The following SMARCA2 variants were observed in gnomAD, a reference collection of about 807,000 sequenced individuals.
SMARCA2 encodes the protein SWI/SNF related BAF chromatin remodeling complex subunit ATPase 2, also known as SWI/SNF-related matrix-associated actin-dependent regulator of chromatin subfamily A member 2.
SMARCA2 carries 61 observed loss-of-function variants against 199.8 expected under a neutral mutation model. The observed-to-expected ratio is 0.31, with a 90% CI of 0.25 to 0.38. SMARCA2 has a LOEUF of 0.38. Among genes scored for constraint, SMARCA2 ranks in the 10% least tolerant of loss-of-function variants. SMARCA2 has a pLI of 1.00. For missense variants in SMARCA2, 1,344 were observed against 2,012.2 expected (o/e 0.67, Z 6.35); for synonymous variants, 935 against 732.0 (o/e 1.28, Z -4.48).
At chr9:2,060,296 A>T (rs1820532037) in intron 8 of SMARCA2, among the ~76,000 whole-genome samples, 1 of 152,288 alleles carries the variant, frequency 6.6e-6, no homozygotes, top group African/African-American at 2.4e-5. Flanking sequence ...GAATGAAAGG[A>T]TATTATGTCT....
rs1822657616 is a variant in SMARCA2 at position 2,104,286 on chromosome 9, C to T, written c.3292+117C>T. The stretch of plus-strand genomic sequence containing the variant: ...GTAAAATTGAAGAATTGACTAGAAG[C>T]ATTGGGAGCAGTTTTTCTAGATAGC... On this transcript the variant is annotated intron_variant, in intron 23 of 33. Coordinates refer to ENST00000349721, the MANE Select transcript of SMARCA2 (RefSeq NM_003070.5). The surrounding 1 kb of genome is among the most constrained non-coding windows in gnomAD (Gnocchi z 4.0). The T allele has an allele frequency of 2.1e-6, 2 of 934,368 alleles. No individual in the cohort carries two copies. Among genetic ancestry groups the T allele is most frequent in the Admixed American group, 2.9e-5 (1 of 34,076 alleles). The allele number at this position is 934,368 out of a possible 1,614,324, so 57.9% of individuals were successfully genotyped here.
chr9:2,178,085 C>T (rs1826748346), intron 29 of SMARCA2, among the ~76,000 whole-genome samples: 1 of 2,002 alleles, frequency 5.0e-4, no homozygotes, highest in Non-Finnish European at 9.7e-4. Flanking sequence ...GTATATAAGC[C>T]ATGCATACAA....
intron 27 of SMARCA2, chr9:2,159,845 C>A: frequency 6.2e-7 from 1 of 1,611,958 alleles, no homozygotes; most frequent in Non-Finnish European, 8.5e-7. Context: ...CGCTGCTTTG[C>A]TGGCTTGTTA....
chr9:2,088,680 C>A, intron 19 of SMARCA2, 67 bp downstream of exon 19: 3 of 1,051,766 alleles, frequency 2.9e-6, no homozygotes, highest in Non-Finnish European at 2.9e-6. Context: ...AAGTACCTGC[C>A]TCTGAAATTG....
chr9:2,099,304 C>T (rs953971623), intron 21 of SMARCA2, among the ~76,000 whole-genome samples: 5 of 152,190 alleles, frequency 3.3e-5, no homozygotes, highest in Non-Finnish European at 7.3e-5. Flanking sequence ...CTGTTACCCA[C>T]TGTCCCATTT....
intron 32 of SMARCA2, among the ~76,000 whole-genome samples, chr9:2,190,709 ATAAT>A (rs1045120715): frequency 2.6e-5 from 4 of 152,220 alleles, no homozygotes; most frequent in Non-Finnish European, 5.9e-5. Flanking sequence ...TTTCCTGGAA[ATAAT>A]TAGTTATAGG....
At chr9:2,052,370 A>C (rs761028323) in intron 5 of SMARCA2, among the ~76,000 whole-genome samples, 14 of 152,196 alleles carry the variant, frequency 9.2e-5, no homozygotes, top group Non-Finnish European at 1.3e-4. Context: ...GCTACATGGG[A>C]GGCTGAGAGG....
chr9:2,120,739 A>G (rs1002535169), intron 26 of SMARCA2, among the ~76,000 whole-genome samples: 1 of 152,192 alleles, frequency 6.6e-6, no homozygotes, highest in African/African-American at 2.4e-5. Flanking sequence ...GGGAATAACT[A>G]CTAAACTGGA....
chr9:2,035,491 T>C (rs2130221782), intron 3 of SMARCA2, among the ~76,000 whole-genome samples: 1 of 152,348 alleles, frequency 6.6e-6, no homozygotes, highest in Middle Eastern at 3.4e-3. Flanking sequence ...CCACTTTAAA[T>C]GCACAAATCA....
chr9:2,184,568 T>A (rs1270756211), intron 31 of SMARCA2, among the ~76,000 whole-genome samples: 1 of 151,846 alleles, frequency 6.6e-6, no homozygotes, highest in Non-Finnish European at 1.5e-5. Flanking sequence ...TTGGCCGGGC[T>A]GGTCTCGAAC....
At chr9:2,075,742 C>A (rs1203454618) in intron 12 of SMARCA2, among the ~76,000 whole-genome samples, 2 of 152,146 alleles carry the variant, frequency 1.3e-5, no homozygotes, top group Non-Finnish European at 1.5e-5. Flanking sequence ...ACTGGAACCT[C>A]TGCCTCCTGG....
Position 2,039,743 on chromosome 9 carries a change from G to A in SMARCA2, c.633G>A (p.Thr211=), listed in dbSNP as rs1004886336. ...TLQLAVQGKR[T]LPGLQQQQQQ... ...AGCTTGCAGTCCAGGGGAAAAGGACGTTGCCTGGCTTGCAGCAACAACAGC... is the reference window on the plus strand; with the variant it reads ...AGCTTGCAGTCCAGGGGAAAAGGACATTGCCTGGCTTGCAGCAACAACAGC... Residue 211 remains threonine, a synonymous_variant, in exon 4 of 34, where the codon ACG becomes ACA. Coordinates refer to ENST00000349721, the MANE Select transcript of SMARCA2 (RefSeq NM_003070.5). This position sits in a 1 kb window ranked among gnomAD's most constrained non-coding sequence, Gnocchi z 4.8. 5.6e-6 allele frequency: 9 copies of A among 1,613,852 alleles called. No individual in the cohort carries two copies. In the Admixed American group the frequency reaches 6.7e-5, roughly 12 times the overall value.
chr9:2,110,472 T>TTG lies in SMARCA2; in HGVS notation c.3456+55_3456+56insTG. ...CTCCCTCTGGAGAGCAACTAAAAGA[T>TTG]GATCAGTTTCATTATTCACATTTAC... On this transcript the variant is annotated intron_variant, in intron 24 of 33. Transcript: ENST00000349721. The surrounding 1 kb of genome is among the most constrained non-coding windows in gnomAD (Gnocchi z 4.8). 7.2e-7 allele frequency: 1 copy of TTG among 1,395,834 alleles called. No individual in the cohort carries two copies. The highest frequency in any genetic ancestry group is 9.7e-7 in the Non-Finnish European group (1 of 1,027,900). The allele number at this position is 1,395,834 out of a possible 1,614,324, so 86.5% of individuals were successfully genotyped here.
rs1471914266 is a variant in SMARCA2, at chr9:2,116,040, G to A, written c.3675G>A (p.Glu1225=). The A allele has an allele frequency of 1.2e-6, 2 of 1,611,838 alleles. No homozygotes were observed. Among genetic ancestry groups the A allele is most frequent in the East Asian group, 2.2e-5 (1 of 44,880 alleles). The change falls in exon 25 of 34, where the codon GAG becomes GAA. Residue 1225 remains glutamate (E), a synonymous_variant. Coordinates refer to ENST00000349721, the MANE Select transcript of SMARCA2 (RefSeq NM_003070.5). ...TGCAGGCCATCTTGGAGCATGAGGAGGAAAATGAGGTATTAGAGAAAACCC... is the reference window on the plus strand; with the variant it reads ...TGCAGGCCATCTTGGAGCATGAGGAAGAAAATGAGGTATTAGAGAAAACCC... ...AFLQAILEHE[E]ENEEEDEVPD...
rs778794928 is a variant in SMARCA2 at position 2,186,169 on chromosome 9, G to A, written c.4535G>A (p.Ser1512Asn). 6.8e-6 allele frequency: 11 copies of A among 1,614,092 alleles called. No individual in the cohort carries two copies. Among genetic ancestry groups the A allele is most frequent in the Non-Finnish European group, 8.5e-6 (10 of 1,179,946 alleles). ...CAGAAAATTGCCAAAGAGGAAGAGAGTGAGGATGAAAGCAATGAAGAGGAG... is the reference window on the plus strand; with the variant it reads ...CAGAAAATTGCCAAAGAGGAAGAGAATGAGGATGAAAGCAATGAAGAGGAG... ...ARQKIAKEEESEDESNEEEEE... is the reference protein window; with the variant it reads ...ARQKIAKEEENEDESNEEEEE... The change falls in exon 32 of 34, where the codon AGT becomes AAT. Residue 1512 changes from serine (S) to asparagine (N), a missense_variant. Physicochemically the swap from Ser to Asn is conservative, Grantham distance 46 (BLOSUM62 1). Coordinates refer to ENST00000349721, the MANE Select transcript of SMARCA2 (RefSeq NM_003070.5).
At chr9:2,179,215 G>T (rs1420237889) in intron 29 of SMARCA2, among the ~76,000 whole-genome samples, 1 of 152,192 alleles carries the variant, frequency 6.6e-6, no homozygotes, top group African/African-American at 2.4e-5. Flanking sequence ...TAGAAGAGAA[G>T]TGTGTTGGTG....
intron 4 of SMARCA2, chr9:2,045,125 T>TA (rs1409183855): frequency 6.6e-6 from 1 of 152,256 alleles, no homozygotes; most frequent in East Asian, 1.9e-4. Flanking sequence ...ATTGCAGTGT[T>TA]ACGGCTTTTG....
intron 31 of SMARCA2, among the ~76,000 whole-genome samples, chr9:2,185,206 C>CCCACCATGGCACTTTCTGTTT (rs1827352463): frequency 6.6e-6 from 1 of 152,182 alleles, no homozygotes; most frequent in Non-Finnish European, 1.5e-5. Context: ...GCCCCTGGCA[C>CCCACCATGGCACTTTCTGTTT]CCACCATGGC....
intron 7 of SMARCA2, among the ~76,000 whole-genome samples, chr9:2,057,193 A>G (rs1267945291): frequency 6.6e-6 from 1 of 152,220 alleles, no homozygotes; most frequent in East Asian, 1.9e-4. Context: ...GAAGCCTGAG[A>G]TCAGGGTACT....
Sources: gnomAD v4.1 joint callset for allele counts (sites outside exome capture counted in the v4.1 genomes callset) on GRCh38, gnomAD v4.1.1 for gene constraint, Gnocchi (gnomAD v3.1) non-coding constraint, MANE v1.5 for transcripts, NCBI Gene and HGNC (gene_info 2026-07-23, HGNC 2026-07-21) for gene names.